The following RNASEL variants were observed in gnomAD, a reference collection of about 807,000 sequenced individuals.
RNASEL encodes ribonuclease L.
Under a neutral mutation model 50.9 loss-of-function variants are expected in RNASEL, and 36 were observed. The observed-to-expected ratio is 0.71, with a 90% CI of 0.54 to 0.93. The LOEUF is 0.93. Among genes scored for constraint, RNASEL ranks in the 40% least tolerant of loss-of-function variants. The probability of loss-of-function intolerance (pLI) is 0.00; values close to 1 mark genes in which losing one functional copy is unlikely to be tolerated. For missense variants in RNASEL, 860 were observed against 894.5 expected (o/e 0.96, Z 0.49); for synonymous variants, 335 against 335.6 (o/e 1.00, Z 0.02).
In RNASEL at chr1:182,579,577, G is replaced by T. The variant is rs185335389; in HGVS notation, c.1905+1648C>A. ...CAGTCATACAAGCTGGAAAACTTGG[G>T]CTCCAGACCTATGCTGACAAAATTA... On this transcript the variant is annotated intron_variant, in intron 5 of 6. Coordinates refer to ENST00000367559, the MANE Select transcript of RNASEL (RefSeq NM_021133.4). 184 of 1,143,174 alleles carry T rather than the reference G, an allele frequency of 1.6e-4. 3 individuals carry two copies. In the East Asian group the frequency reaches 0.013, roughly 78 times the overall value. The allele number at this position is 1,143,174 out of a possible 1,614,324, so 70.8% of individuals were successfully genotyped here.
Position 182,586,604 on chromosome 1 carries a change from T to C in RNASEL, c.203A>G (p.Gln68Arg), listed in dbSNP as rs1215783570. The C allele has an allele frequency of 2.5e-6, 4 of 1,608,378 alleles. No homozygotes were observed. Among genetic ancestry groups the C allele is most frequent in the African/African-American group, 2.7e-5 (2 of 74,784 alleles). Residue 68 changes from glutamine to arginine, a missense_variant, in exon 2 of 7, where the codon CAA becomes CGA. Physicochemically the swap from Gln to Arg is conservative, Grantham distance 43. Transcript: ENST00000367559. ...GGWTPLHNAV[Q>R]MSREDIVELL... Reference sequence around the variant, plus strand: ...TTCCACAATGTCCTCCCTGCTCATTTGTACTGCGTTATGCAGAGGTGTCCA... The same window carrying C: ...TTCCACAATGTCCTCCCTGCTCATTCGTACTGCGTTATGCAGAGGTGTCCA...
chr1:182,575,781 A>G (rs1404516426), intron 6 of RNASEL, among the ~76,000 whole-genome samples: 1 of 152,208 alleles, frequency 6.6e-6, no homozygotes, highest in Non-Finnish European at 1.5e-5. Context: ...TGAACTTTAG[A>G]TTGTTCTTTC....
rs200161417 is a variant in RNASEL at position 182,586,501 on chromosome 1, C to A, written c.306G>T (p.Ala102=). The A allele has an allele frequency of 4.3e-6, 7 of 1,611,754 alleles. No homozygotes were observed. The highest frequency in any genetic ancestry group is 5.1e-6 in the Non-Finnish European group (6 of 1,178,146). Residue 102 remains alanine, a synonymous_variant, in exon 2 of 7, where the codon GCG becomes GCT. Transcript: ENST00000367559. ...AAAGTTTCAGCAGCTTCACGCTCCC[C>A]GCAATCGCTGCGAGGATAAAAGGCG... ...GATPFILAAI[A]GSVKLLKLFL...
chr1:182,581,337 T>C lies in RNASEL; in HGVS notation c.1793A>G (p.Asn598Ser). ...TTTGATGTCGGATTCATTTCCCACA[T>C]TCCGAAGCGTCCTATAGCGGCTGAA... is the stretch of plus-strand genomic sequence containing the variant. ...TWESRYRTLR[N>S]VGNESDIKTR... is the part of the protein sequence containing the mutation. The change falls in exon 5 of 7, where the codon AAT becomes AGT. Residue 598 changes from asparagine (N) to serine (S), a missense_variant. Physicochemically the swap from Asn to Ser is conservative, Grantham distance 46. Coordinates refer to ENST00000367559, the MANE Select transcript of RNASEL (RefSeq NM_021133.4). 2 of 1,614,086 alleles carry C rather than the reference T, an allele frequency of 1.2e-6. No individual in the cohort carries two copies. The highest frequency in any genetic ancestry group is 1.7e-6 in the Non-Finnish European group (2 of 1,180,016).
chr1:182,586,361 G>T lies in RNASEL; in HGVS notation c.446C>A (p.Ala149Glu). Residue 149 changes from alanine to glutamate, a missense_variant, in exon 2 of 7, where the codon GCA becomes GAA. Transcript: ENST00000367559. ...KALKFLYKRG[A>E]NVNLRRKTKE... ...TGTCTTTCGCCTCAAATTCACATTT[G>T]CTCCTCTCTTATAAAGGAATTTTAG... The T allele has an allele frequency of 1.2e-6, 2 of 1,614,090 alleles. No individual in the cohort carries two copies. The highest frequency in any genetic ancestry group is 8.5e-7 in the Non-Finnish European group (1 of 1,180,030).
chr1:182,584,235 T>A (rs1282220874), intron 2 of RNASEL, 69 bp from the exon 3 acceptor site: 2 of 980,372 alleles, frequency 2.0e-6, no homozygotes, highest in Non-Finnish European at 3.3e-6. Flanking sequence ...AATTGATTTA[T>A]ATAAATATGT....
chr1:182,575,107 T>G lies in RNASEL; in HGVS notation c.*285A>C, dbSNP rs746089346. 51 of 464,268 alleles carry G rather than the reference T, an allele frequency of 1.1e-4. No individual in the cohort carries two copies. The highest frequency in any genetic ancestry group is 5.8e-4 in the Middle Eastern group (1 of 1,728). The allele number at this position is 464,268 out of a possible 1,614,324, so 28.8% of individuals were successfully genotyped here. On this transcript the variant is annotated 3_prime_UTR_variant, in exon 7 of 7. Coordinates refer to ENST00000367559, the MANE Select transcript of RNASEL (RefSeq NM_021133.4). ...AATTAAGTGAGAGAATTGTAACATA[T>G]GCAGCATTAGGGGTCAAGGCACTCA...
rs749788679 is a variant in RNASEL at position 182,586,077 on chromosome 1, T to C, written c.730A>G (p.Ile244Val). The C allele has an allele frequency of 8.7e-6, 14 of 1,614,112 alleles. No homozygotes were observed. The South Asian group carries it at 1.1e-4, about 13-fold the overall frequency. ...VRGERGKTPL[I>V]LAVEKKHLGL... The stretch of plus-strand genomic sequence containing the variant: ...AAGTGCTTCTTCTCCACTGCCAGGA[T>C]CAGGGGAGTCTTCCCTCTTTCTCCC... The change falls in exon 2 of 7, where the codon ATC becomes GTC. Residue 244 changes from isoleucine to valine, a missense_variant. By Grantham distance (29) the Ile-to-Val change is conservative. Coordinates refer to ENST00000367559, the MANE Select transcript of RNASEL (RefSeq NM_021133.4).
In RNASEL at chr1:182,575,341, A is replaced by AAGG; in HGVS notation, c.*48_*50dup. 6.3e-7 allele frequency: 1 copy of AAGG among 1,588,008 alleles called. No homozygotes were observed. Among genetic ancestry groups the AAGG allele is most frequent in the East Asian group, 2.2e-5 (1 of 44,754 alleles). On this transcript the variant is annotated 3_prime_UTR_variant, in exon 7 of 7. Transcript: ENST00000367559. ...AAGGCCCAGAATGTTGTGATTTGCC[A>AAGG]AGGACTCTACAGCTAATAAGTAGTT...
At chr1:182,588,334 CAT>C (rs1040238586) in intron 1 of RNASEL, among the ~76,000 whole-genome samples, 1 of 152,140 alleles carries the variant, frequency 6.6e-6, no homozygotes, top group Non-Finnish European at 1.5e-5. Context: ...TAAATACAGT[CAT>C]GTGTGTAAAG....
rs757392118 is a variant in RNASEL at position 182,576,279 on chromosome 1, G to C, written c.2016C>G (p.His672Gln). 6.2e-7 allele frequency: 1 copy of C among 1,611,746 alleles called. No individual in the cohort carries two copies. The highest frequency in any genetic ancestry group is 1.1e-5 in the South Asian group (1 of 90,536). ...LLKFIRNLGE[H>Q]IDEEKHKKMK... ...ACTTTTTATGCTTTTCTTCATCAAT[G>C]TGTTCTCCCAAATTCCGGATGAACT... The change falls in exon 6 of 7, where the codon CAC (histidine) becomes CAG (glutamine). Residue 672 changes from histidine to glutamine, a missense_variant. By Grantham distance (24) the His-to-Gln change is conservative. Transcript: ENST00000367559.
Position 182,581,374 on chromosome 1 carries a change from G to C in RNASEL, c.1773-17C>G. On this transcript the variant is annotated splice_polypyrimidine_tract_variant and intron_variant, in intron 4 of 6. Coordinates refer to ENST00000367559, the MANE Select transcript of RNASEL (RefSeq NM_021133.4). Reference sequence around the variant, plus strand: ...CTATAGCGGCTGAAGATGACTAAATGATCTAAATGATCATGATCATCCCAT... The same window carrying C: ...CTATAGCGGCTGAAGATGACTAAATCATCTAAATGATCATGATCATCCCAT... 1 of 1,594,312 alleles carries C rather than the reference G, an allele frequency of 6.3e-7. No individual in the cohort carries two copies. Among genetic ancestry groups the C allele is most frequent in the Non-Finnish European group, 8.6e-7 (1 of 1,167,392 alleles).
intron 3 of RNASEL, among the ~76,000 whole-genome samples, 180 bp downstream of exon 3, chr1:182,583,901 A>C (rs1311650134): frequency 6.6e-6 from 1 of 152,064 alleles, no homozygotes; most frequent in Admixed American, 6.6e-5. Flanking sequence ...TTGTTCCTCA[A>C]CTTGCAGATG....
chr1:182,585,045 T>C (rs1661564868), intron 2 of RNASEL, among the ~76,000 whole-genome samples: 1 of 152,178 alleles, frequency 6.6e-6, no homozygotes, highest in Non-Finnish European at 1.5e-5. Context: ...TGGAGCTACT[T>C]TGATCCATGA....
At chr1:182,584,406 G>T (rs1661554344) in intron 2 of RNASEL, among the ~76,000 whole-genome samples, 1 of 152,068 alleles carries the variant, frequency 6.6e-6, no homozygotes, top group Non-Finnish European at 1.5e-5. Context: ...CAGGCCAGGG[G>T]GTAGGAAGGG....
At chr1:182,575,642 T>C in intron 6 of RNASEL, 64 bp from the exon 7 acceptor site, 3 of 1,588,672 alleles carry the variant, frequency 1.9e-6, no homozygotes, top group Non-Finnish European at 2.6e-6. Flanking sequence ...CTTCACAGCA[T>C]ATGGCCCTGA....
Position 182,585,479 on chromosome 1 carries a change from G to A in RNASEL, c.1328C>T (p.Ala443Val), listed in dbSNP as rs777886869. Residue 443 changes from alanine (A) to valine (V), a missense_variant, in exon 2 of 7, where the codon GCG (alanine) becomes GTG (valine). Coordinates refer to ENST00000367559, the MANE Select transcript of RNASEL (RefSeq NM_021133.4). ...CVTLCEQTLE[A>V]CLDVHRGEDV... ...TTCCCCTCTGTGCACATCCAAACAC[G>A]CTTCCAGAGTCTGCTCACAGAGGGT... The A allele has an allele frequency of 1.9e-5, 31 of 1,613,952 alleles. No individual in the cohort carries two copies. The highest frequency in any genetic ancestry group is 4.0e-5 in the African/African-American group (3 of 74,878).
In RNASEL at chr1:182,575,576, A is replaced by T. The variant is rs1378083475; in HGVS notation, c.2042T>A (p.Met681Lys). Residue 681 changes from methionine to lysine, a missense_variant and splice_region_variant, in exon 7 of 7, where the codon ATG becomes AAG. Met to Lys is a moderately conservative substitution (Grantham distance 95). Coordinates refer to ENST00000367559, the MANE Select transcript of RNASEL (RefSeq NM_021133.4). ...GGAAGGGTCTCCAATTTTTAATTTC[A>T]TCCTGAAATAAAACACAAATTGTTC... Reference protein sequence around the residue: ...EHIDEEKHKKMKLKIGDPSLY... With the variant: ...EHIDEEKHKKKKLKIGDPSLY... The T allele has an allele frequency of 1.2e-6, 2 of 1,614,144 alleles. No homozygotes were observed. The highest frequency in any genetic ancestry group is 3.3e-5 in the Admixed American group (2 of 60,028).
intron 5 of RNASEL, 50 bp downstream of exon 5, chr1:182,581,175 A>C (rs754341186): frequency 6.2e-7 from 1 of 1,613,358 alleles, no homozygotes; most frequent in Non-Finnish European, 8.5e-7. Context: ...AAAACATTAC[A>C]CAAATTCTTA....
Sources: allele counts gnomAD v4.1 joint callset (sites outside exome capture counted in the v4.1 genomes callset), GRCh38; gene constraint gnomAD v4.1.1; transcripts MANE v1.5; gene names NCBI Gene and HGNC (gene_info 2026-07-23, HGNC 2026-07-21).